RSU1: variants seen among roughly 807,000 people sequenced by gnomAD.
RSU1 encodes the protein rsu-1.
RSU1 carries 26 observed loss-of-function variants against 31.1 expected under a neutral mutation model. That is an observed-to-expected ratio of 0.84 (90% CI 0.61 to 1.16). The LOEUF (loss-of-function observed/expected upper bound fraction) is 1.16, where lower values mean the gene tolerates loss of function less well. Ranked by LOEUF, RSU1 falls within the 50% of genes most tolerant of loss-of-function variation. The pLI is 0.00. For missense variants in RSU1, 320 were observed against 339.1 expected, an observed-to-expected ratio of 0.94 and a Z score of 0.44; for synonymous variants, 164 against 136.3, an observed-to-expected ratio of 1.20 and a Z score of -1.41.
intron 7 of RSU1, among the ~76,000 whole-genome samples, chr10:16,746,488 T>C (rs911261932): frequency 2.6e-5 from 4 of 151,926 alleles, no homozygotes; most frequent in African/African-American, 9.7e-5. Flanking sequence ...CCAGAAACGA[T>C]TCCAATTCAG....
At position 16,615,471 on chromosome 10, in the gene RSU1, TCAA is replaced by T. The variant is rs772439673; in HGVS notation, c.732-21978_732-21976del. 1.4e-3 allele frequency among the ~76,000 whole-genome samples: 207 copies of T among 152,260 alleles called. 2 individuals are homozygous for T. Among genetic ancestry groups the T allele is most frequent in the Middle Eastern group, 3.4e-3 (1 of 294 alleles). ...CACCCCACTGTCCATACTAGACAGA[TCAA>T]CAAGACCGAAAATTAAGAAGGATAT... On this transcript the variant is annotated intron_variant, in intron 8 of 8. Coordinates refer to ENST00000345264, the MANE Select transcript of RSU1 (RefSeq NM_012425.4).
intron 2 of RSU1, among the ~76,000 whole-genome samples, chr10:16,790,506 G>C (rs1228920025): frequency 6.6e-6 from 1 of 152,168 alleles, no homozygotes; most frequent in East Asian, 1.9e-4. Context: ...ATGACAAACT[G>C]AGAAATGCTT....
intron 8 of RSU1, among the ~76,000 whole-genome samples, chr10:16,663,028 C>A (rs139359024): frequency 6.6e-6 from 1 of 150,716 alleles, no homozygotes; most frequent in African/African-American, 2.4e-5. Flanking sequence ...ATTTGCTCAG[C>A]GTAGAAACAG....
At chr10:16,810,272 T>G (rs1471685919) in intron 2 of RSU1, among the ~76,000 whole-genome samples, 1 of 152,070 alleles carries the variant, frequency 6.6e-6, no homozygotes, top group East Asian at 1.9e-4. Flanking sequence ...AAAAATTCAA[T>G]GTAAACTCCC....
intron 2 of RSU1, among the ~76,000 whole-genome samples, chr10:16,813,526 C>G (rs769636358): frequency 2.6e-5 from 4 of 152,162 alleles, no homozygotes; most frequent in African/African-American, 9.7e-5. Context: ...TAGTTAATAA[C>G]TAACATTTAA....
intron 2 of RSU1, among the ~76,000 whole-genome samples, chr10:16,790,869 T>A (rs913533313): frequency 6.6e-6 from 1 of 152,194 alleles, no homozygotes; most frequent in African/African-American, 2.4e-5. Flanking sequence ...CCTTCCACCA[T>A]GATTATAAGT....
chr10:16,745,156 G>A (rs1836825533), intron 7 of RSU1, among the ~76,000 whole-genome samples: 1 of 152,208 alleles, frequency 6.6e-6, no homozygotes, highest in Non-Finnish European at 1.5e-5. Context: ...TCTCTAAACA[G>A]TCAAAGTTTA....
chr10:16,695,162 G>GC lies in RSU1; in HGVS notation c.599-8_599-7insG, dbSNP rs754696645. Reference sequence around the variant, plus strand: ...CCAGTTAAATCCAAGTTTCCTGGGGGGGGGGAAAAAAAAAGTGAAGGTCAC... The same window carrying GC: ...CCAGTTAAATCCAAGTTTCCTGGGGGCGGGGGAAAAAAAAAGTGAAGGTCAC... On this transcript the variant is annotated splice_polypyrimidine_tract_variant and splice_region_variant and intron_variant, in intron 7 of 8. Transcript: ENST00000345264. 136 of 1,479,584 alleles carry GC rather than the reference G, an allele frequency of 9.2e-5. 9 individuals carry two copies. The highest frequency in any genetic ancestry group is 1.2e-4 in the Non-Finnish European group (127 of 1,099,848). 91.7% of individuals were successfully genotyped at this position (1,479,584 alleles called of 1,614,324 possible). A position where few individuals can be genotyped will look rare whatever the true frequency, so the allele number is the denominator to read the frequency against.
intron 8 of RSU1, among the ~76,000 whole-genome samples, chr10:16,688,817 A>G (rs1046346145): frequency 1.9e-4 from 29 of 149,160 alleles, no homozygotes; most frequent in Admixed American, 1.8e-3. Context: ...CTTGGGCAAC[A>G]TAGCAAGACC....
chr10:16,596,442 T>G (rs1222463501), intron 8 of RSU1, among the ~76,000 whole-genome samples: 2 of 152,194 alleles, frequency 1.3e-5, no homozygotes, highest in Non-Finnish European at 2.9e-5. Flanking sequence ...TCCTCAGATG[T>G]TGATCTACTC....
intron 7 of RSU1, among the ~76,000 whole-genome samples, chr10:16,752,152 TAAA>T (rs990499346): frequency 6.6e-6 from 1 of 152,100 alleles, no homozygotes. Context: ...TTTAAGGGGT[TAAA>T]AAGTAAGAGT....
chr10:16,698,504 C>CT (rs1227120341), intron 7 of RSU1, among the ~76,000 whole-genome samples: 1 of 152,076 alleles, frequency 6.6e-6, no homozygotes, highest in East Asian at 1.9e-4. Flanking sequence ...AAATAATGTA[C>CT]TAAAGTTCTA....
intron 8 of RSU1, among the ~76,000 whole-genome samples, chr10:16,683,003 G>A (rs929531110): frequency 3.3e-5 from 5 of 152,106 alleles, no homozygotes; most frequent in South Asian, 2.1e-4. Context: ...ACGCATCTTC[G>A]AATTCAAAGC....
At chr10:16,793,132 A>T (rs1837960494) in intron 2 of RSU1, among the ~76,000 whole-genome samples, 1 of 152,208 alleles carries the variant, frequency 6.6e-6, no homozygotes, top group South Asian at 2.1e-4. Flanking sequence ...CTTTCTTCTG[A>T]ATTTTGTTCA....
In RSU1 at chr10:16,817,121, A is replaced by C. The variant is rs897734891; in HGVS notation, c.-3-37T>G. 10 of 1,459,754 alleles carry C rather than the reference A, an allele frequency of 6.9e-6. No individual in the cohort carries two copies. The Middle Eastern group carries it at 5.2e-4, about 76-fold the overall frequency. 90.4% of individuals were successfully genotyped at this position (1,459,754 alleles called of 1,614,324 possible). A position where few individuals can be genotyped will look rare whatever the true frequency, so the allele number is the denominator to read the frequency against. On this transcript the variant is annotated intron_variant, in intron 1 of 8. Transcript: ENST00000345264. Reference sequence around the variant, plus strand: ...AACAACAAAGCACGTGGGCGATGACAGCAAGCGCAGAGGCGGAAAGGCAAG... The same window carrying C: ...AACAACAAAGCACGTGGGCGATGACCGCAAGCGCAGAGGCGGAAAGGCAAG...
In RSU1 at chr10:16,679,028, T is replaced by C. The variant is rs77253752; in HGVS notation, c.731+15995A>G. ...CATTTGCACCATAAGAGTAATGTGG[T>C]AAAAAGATCTATAAAAATAACGAAG... On this transcript the variant is annotated intron_variant, in intron 8 of 8. Coordinates refer to ENST00000345264, the MANE Select transcript of RSU1 (RefSeq NM_012425.4). Among the ~76,000 whole-genome samples the C allele has an allele frequency of 0.012, 1,793 of 152,250 alleles. 56 individuals carry two copies. The East Asian group carries it at 0.13, about 11-fold the overall frequency.
At chr10:16,811,755 G>A (rs956504914) in intron 2 of RSU1, among the ~76,000 whole-genome samples, 9 of 152,186 alleles carry the variant, frequency 5.9e-5, no homozygotes, top group East Asian at 1.9e-4. Flanking sequence ...TGGAAACTGC[G>A]GAGAAGCCTG....
chr10:16,804,431 T>A (rs1409173552), intron 2 of RSU1, among the ~76,000 whole-genome samples: 4 of 152,180 alleles, frequency 2.6e-5, no homozygotes, highest in African/African-American at 9.7e-5. Flanking sequence ...CTAAACATAA[T>A]CTTATCACAT....
intron 7 of RSU1, chr10:16,721,205 A>G (rs11812463): frequency 0.14 from 20,893 of 152,116 alleles, 3,418 homozygotes; most frequent in African/African-American, 0.39. Flanking sequence ...TGTAGAGAGA[A>G]CAGTGAAGAG....
Sources: gnomAD v4.1 joint callset for allele counts (sites outside exome capture counted in the v4.1 genomes callset) on GRCh38, gnomAD v4.1.1 for gene constraint, MANE v1.5 for transcripts, NCBI Gene and HGNC (gene_info 2026-07-23, HGNC 2026-07-21) for gene names.